BRINP3: variants seen among roughly 807,000 people sequenced by gnomAD.
BRINP3 encodes BMP/retinoic acid-inducible neural-specific protein 3.
In BRINP3, 19 loss-of-function variants were observed where a neutral mutation model predicts 71.0. The ratio of observed to expected loss-of-function variants is 0.27; its 90% confidence interval spans 0.19 to 0.39. BRINP3 has a LOEUF of 0.39. BRINP3 is among the 10% of genes least tolerant of loss of function. The pLI, the probability that BRINP3 is intolerant of heterozygous loss-of-function variation, is 1.00. For synonymous variants in BRINP3, 380 were observed against 337.7 expected (o/e 1.13, Z -1.37); for missense variants, 959 against 940.8 (o/e 1.02, Z -0.25).
rs1328791630 is a variant in BRINP3 at position 190,379,732 on chromosome 1, G to C, written c.236+74923C>G. ...AAGAGATTTAGGGCTGGGCGCGGTG[G>C]TTCATGCCTGTAATCCCAGCACTTT... On this transcript the variant is annotated intron_variant, in intron 2 of 7. Transcript: ENST00000367462. Among the ~76,000 whole-genome samples, 25 of 152,162 alleles carry C rather than the reference G, an allele frequency of 1.6e-4. No individual in the cohort carries two copies. The East Asian group carries it at 4.8e-3, about 29-fold the overall frequency.
intron 1 of BRINP3, among the ~76,000 whole-genome samples, chr1:190,475,077 T>TC: frequency 6.6e-6 from 1 of 152,270 alleles, no homozygotes; most frequent in African/African-American, 2.4e-5. Flanking sequence ...CTAACTCTCT[T>TC]CCGCTCTCCC....
chr1:190,334,434 A>T (rs1205448813), intron 2 of BRINP3, among the ~76,000 whole-genome samples: 2 of 151,592 alleles, frequency 1.3e-5, no homozygotes, highest in Non-Finnish European at 3.0e-5. Flanking sequence ...AAAAGATGCA[A>T]TTTTTTTCCA....
At chr1:190,422,472 A>C (rs975995905) in intron 2 of BRINP3, among the ~76,000 whole-genome samples, 2 of 151,846 alleles carry the variant, frequency 1.3e-5, no homozygotes, top group Non-Finnish European at 2.9e-5. Context: ...CTCTTGATGA[A>C]AACTGACACC....
In BRINP3 at chr1:190,467,237, A is replaced by T. The variant is rs1482975518; in HGVS notation, c.-51+10211T>A. 2.6e-5 allele frequency among the ~76,000 whole-genome samples: 4 copies of T among 151,630 alleles called. No individual in the cohort carries two copies. The South Asian group carries it at 8.3e-4, about 31-fold the overall frequency. On this transcript the variant is annotated intron_variant, in intron 1 of 7. Coordinates refer to ENST00000367462, the MANE Select transcript of BRINP3 (RefSeq NM_199051.3). ...AAATTTGATTTAGTAGATTAATTTT[A>T]AAAAGTGTACTACAAATAGCAAAAA...
intron 7 of BRINP3, among the ~76,000 whole-genome samples, chr1:190,107,763 T>A (rs1652305412): frequency 6.6e-6 from 1 of 152,022 alleles, no homozygotes; most frequent in Non-Finnish European, 1.5e-5. Context: ...ACAAAATTGC[T>A]AGATCAAAAT....
At chr1:190,161,001 T>A in intron 6 of BRINP3, 111 bp from the exon 7 acceptor site, 1 of 698,244 alleles carries the variant, frequency 1.4e-6, no homozygotes, top group Non-Finnish European at 2.3e-6. Context: ...TATGTCAAAT[T>A]AAGAACAAAT....
At chr1:190,371,708 T>C (rs1305482969) in intron 2 of BRINP3, among the ~76,000 whole-genome samples, 1 of 152,158 alleles carries the variant, frequency 6.6e-6, no homozygotes, top group Non-Finnish European at 1.5e-5. Context: ...CCTTGAGAAA[T>C]GTTCTAAGAA....
At chr1:190,394,287 G>A (rs1022269529) in intron 2 of BRINP3, among the ~76,000 whole-genome samples, 1 of 151,438 alleles carries the variant, frequency 6.6e-6, no homozygotes, top group African/African-American at 2.4e-5. Context: ...AGTATTTAAT[G>A]AGTCCTTAGA....
At chr1:190,457,764 G>GT (rs1212919504) in intron 1 of BRINP3, among the ~76,000 whole-genome samples, 1 of 152,028 alleles carries the variant, frequency 6.6e-6, no homozygotes, top group East Asian at 1.9e-4. Flanking sequence ...TACACAAAGT[G>GT]TTTTAAAAGT....
At chr1:190,212,684 T>C (rs1377862589) in intron 6 of BRINP3, among the ~76,000 whole-genome samples, 1 of 152,100 alleles carries the variant, frequency 6.6e-6, no homozygotes, top group Non-Finnish European at 1.5e-5. Flanking sequence ...CCATAAAATG[T>C]GATCATAAGT....
intron 2 of BRINP3, among the ~76,000 whole-genome samples, chr1:190,342,096 C>T (rs898290667): frequency 2.6e-5 from 4 of 151,270 alleles, no homozygotes; most frequent in East Asian, 2.0e-4. Flanking sequence ...AGCAGGGTTG[C>T]GATGGGTCTT....
At chr1:190,366,618 A>G (rs1042643708) in intron 2 of BRINP3, among the ~76,000 whole-genome samples, 1 of 152,160 alleles carries the variant, frequency 6.6e-6, no homozygotes, top group African/African-American at 2.4e-5. Context: ...CCTATGCCAA[A>G]GTCTCATCTG....
At chr1:190,250,941 G>A (rs947004728) in intron 4 of BRINP3, among the ~76,000 whole-genome samples, 1 of 151,826 alleles carries the variant, frequency 6.6e-6, no homozygotes, top group Non-Finnish European at 1.5e-5. Context: ...CCTTAACTTG[G>A]CATGGTGGCT....
At chr1:190,177,438 A>G (rs1190244069) in intron 6 of BRINP3, among the ~76,000 whole-genome samples, 1 of 149,422 alleles carries the variant, frequency 6.7e-6, no homozygotes, top group Non-Finnish European at 1.5e-5. Context: ...TCGGCCTCCC[A>G]AAGTGCTAGG....
chr1:190,215,441 T>C (rs1315706639), intron 6 of BRINP3, among the ~76,000 whole-genome samples: 1 of 151,972 alleles, frequency 6.6e-6, no homozygotes, highest in Admixed American at 6.6e-5. Context: ...TTCAAATATT[T>C]TATTTGGATA....
chr1:190,256,778 T>C (rs1356077797), intron 4 of BRINP3, among the ~76,000 whole-genome samples: 1 of 152,230 alleles, frequency 6.6e-6, no homozygotes. Context: ...AATTTTGGGT[T>C]GAAAACTCTT....
At chr1:190,101,944 T>C (rs1651742098) in intron 7 of BRINP3, among the ~76,000 whole-genome samples, 1 of 152,122 alleles carries the variant, frequency 6.6e-6, no homozygotes, top group Non-Finnish European at 1.5e-5. Flanking sequence ...AAGGAAAGCG[T>C]TTCGGCTGTT....
intron 2 of BRINP3, among the ~76,000 whole-genome samples, chr1:190,362,825 CACGTG>C (rs1362398980): frequency 3.9e-5 from 6 of 152,268 alleles, no homozygotes; most frequent in Admixed American, 1.3e-4. Flanking sequence ...ACTACCCAGC[CACGTG>C]GAACTGTGAG....
intron 2 of BRINP3, among the ~76,000 whole-genome samples, chr1:190,356,948 G>A (rs1047643816): frequency 1.3e-5 from 2 of 152,100 alleles, no homozygotes; most frequent in South Asian, 2.1e-4. Flanking sequence ...GGGCGACTGA[G>A]GAGACAACTA....
Sources: allele counts gnomAD v4.1 joint callset (sites outside exome capture counted in the v4.1 genomes callset), GRCh38; gene constraint gnomAD v4.1.1; transcripts MANE v1.5; gene names NCBI Gene and HGNC (gene_info 2026-07-23, HGNC 2026-07-21).